The following DHRSX variants were observed in gnomAD, a reference collection of about 807,000 sequenced individuals.
DHRSX encodes polyprenol dehydrogenase.
DHRSX carries 31 observed loss-of-function variants against 34.0 expected under a neutral mutation model. The ratio of observed to expected loss-of-function variants is 0.91; its 90% CI spans 0.69 to 1.23. The LOEUF (loss-of-function observed/expected upper bound fraction) is 1.23. Among genes scored for constraint, DHRSX ranks in the 50% most tolerant of loss-of-function variants. The probability of loss-of-function intolerance (pLI) is 0.00; values close to 1 mark genes in which losing one functional copy is unlikely to be tolerated. For missense variants in DHRSX, 414 were observed against 428.1 expected, an observed-to-expected ratio of 0.97 and a Z score of 0.29; for synonymous variants, 201 against 183.8, an observed-to-expected ratio of 1.09 and a Z score of -0.76.
intron 6 of DHRSX, among the ~76,000 whole-genome samples, chrX:2,226,960 T>C (rs2015679226): frequency 6.6e-6 from 1 of 151,256 alleles, no homozygotes; most frequent in African/African-American, 2.4e-5. Context: ...TCAGAGCTGC[T>C]GCAGAATAAG....
chrX:2,390,661 C>G, intron 3 of DHRSX, among the ~76,000 whole-genome samples: 1 of 152,338 alleles, frequency 6.6e-6, no homozygotes, highest in Admixed American at 6.5e-5. Context: ...ACCCCTATAA[C>G]TACCCCATTC....
At chrX:2,360,312 T>C (rs35742119) in intron 3 of DHRSX, among the ~76,000 whole-genome samples, 13,527 of 152,090 alleles carry the variant, frequency 0.089, 697 homozygotes, top group Middle Eastern at 0.16. Flanking sequence ...GGGCCAGGCG[T>C]GGTGGCTCAC....
chrX:2,481,284 T>C (rs1021207402), intron 1 of DHRSX, among the ~76,000 whole-genome samples: 9 of 152,134 alleles, frequency 5.9e-5, no homozygotes, highest in African/African-American at 2.2e-4. Context: ...TATTTAATGG[T>C]GTCTCCTCTT....
At chrX:2,225,203 A>G (rs2015624731) in intron 6 of DHRSX, among the ~76,000 whole-genome samples, 1 of 150,568 alleles carries the variant, frequency 6.6e-6, no homozygotes, top group African/African-American at 2.5e-5. Flanking sequence ...ACACATTTGC[A>G]TGCACATTCA....
chrX:2,425,998 C>T (rs1480303358), intron 1 of DHRSX, among the ~76,000 whole-genome samples: 2 of 151,978 alleles, frequency 1.3e-5, no homozygotes, highest in African/African-American at 4.8e-5. Context: ...GTGGTTAGGG[C>T]AGGTGGAGAG....
At chrX:2,371,482 TCCTCC>T (rs1417695607) in intron 3 of DHRSX, among the ~76,000 whole-genome samples, 1,660 of 135,714 alleles carry the variant, frequency 0.012, 44 homozygotes, top group African/African-American at 0.044. Context: ...TAGACCCTCC[TCCTCC>T]CGTTACCGTA....
intron 1 of DHRSX, among the ~76,000 whole-genome samples, chrX:2,430,139 G>A (rs751622180): frequency 3.2e-4 from 49 of 151,848 alleles, no homozygotes; most frequent in Admixed American, 8.5e-4. Flanking sequence ...CTCGGGTCTC[G>A]GTGAGGATGT....
intron 2 of DHRSX, among the ~76,000 whole-genome samples, chrX:2,414,467 T>C (rs962419819): frequency 6.6e-6 from 1 of 151,772 alleles, no homozygotes; most frequent in Non-Finnish European, 1.5e-5. Context: ...GACTTCATCA[T>C]AACCTAACCA....
chrX:2,327,697 A>G (rs941189261), intron 3 of DHRSX, among the ~76,000 whole-genome samples: 7 of 152,166 alleles, frequency 4.6e-5, no homozygotes, highest in African/African-American at 1.7e-4. Context: ...GAATGTCACC[A>G]TATTTGGAGA....
intron 5 of DHRSX, among the ~76,000 whole-genome samples, chrX:2,250,552 T>C (rs1442499759): frequency 2.0e-5 from 3 of 152,098 alleles, no homozygotes; most frequent in South Asian, 2.1e-4. Flanking sequence ...GACCATGTCA[T>C]GGCATCTGTA....
At chrX:2,390,907 C>T (rs1418137692) in intron 3 of DHRSX, among the ~76,000 whole-genome samples, 3 of 147,686 alleles carry the variant, frequency 2.0e-5, no homozygotes, top group Non-Finnish European at 4.4e-5. Context: ...CAGTTTCTCT[C>T]CACCTTTTAG....
intron 1 of DHRSX, among the ~76,000 whole-genome samples, chrX:2,451,089 C>T (rs1365425105): frequency 6.6e-6 from 1 of 151,958 alleles, no homozygotes; most frequent in African/African-American, 2.4e-5. Context: ...TATAAATTAC[C>T]CAACTGAAGG....
chrX:2,237,966 A>G (rs1357944667), intron 6 of DHRSX, among the ~76,000 whole-genome samples: 1 of 152,108 alleles, frequency 6.6e-6, no homozygotes, highest in African/African-American at 2.4e-5. Context: ...AAGAGCACAC[A>G]TGCCCTCTGA....
intron 3 of DHRSX, among the ~76,000 whole-genome samples, chrX:2,361,820 A>C (rs1242607435): frequency 6.6e-6 from 1 of 152,218 alleles, no homozygotes; most frequent in Non-Finnish European, 1.5e-5. Context: ...TTAATGGAAT[A>C]GGCAGAAAAT....
chrX:2,424,067 A>C lies in DHRSX; in HGVS notation c.217+1130T>G, dbSNP rs192078785. 2.0e-3 allele frequency among the ~76,000 whole-genome samples: 311 copies of C among 152,264 alleles called. 2 individuals are homozygous for C. Among genetic ancestry groups the C allele is most frequent in the African/African-American group, 7.0e-3 (289 of 41,548 alleles). On this transcript the variant is annotated intron_variant, in intron 2 of 6. Coordinates refer to ENST00000334651, the MANE Select transcript of DHRSX (RefSeq NM_145177.3). ...AATAAGGTCTTTAAAGTGGTGATTAAGGTAAAATGAGGTCACCAGAGTGGG... is the reference window on the plus strand; with the variant it reads ...AATAAGGTCTTTAAAGTGGTGATTACGGTAAAATGAGGTCACCAGAGTGGG...
intron 2 of DHRSX, among the ~76,000 whole-genome samples, chrX:2,417,734 T>C (rs996286420): frequency 1.3e-5 from 2 of 152,136 alleles, no homozygotes; most frequent in Admixed American, 6.6e-5. Context: ...CATCATGCTA[T>C]TACTGAAGTA....
chrX:2,267,730 G>C (rs1001274764), intron 4 of DHRSX, among the ~76,000 whole-genome samples: 1 of 152,002 alleles, frequency 6.6e-6, no homozygotes, highest in Non-Finnish European at 1.5e-5. Context: ...CAGACTGCTT[G>C]ACGTCAGGAG....
chrX:2,425,877 G>T (rs2043839790), intron 1 of DHRSX, among the ~76,000 whole-genome samples: 1 of 152,120 alleles, frequency 6.6e-6, no homozygotes, highest in African/African-American at 2.4e-5. Context: ...TCTCACTGTG[G>T]TTTCCAAGGG....
At chrX:2,370,611 C>T (rs1320582831) in intron 3 of DHRSX, among the ~76,000 whole-genome samples, 4 of 125,878 alleles carry the variant, frequency 3.2e-5, no homozygotes, top group South Asian at 2.6e-4. Context: ...AAAAAAAATT[C>T]CCTTCCTCAT....
Sources: gnomAD v4.1 joint callset for allele counts (sites outside exome capture counted in the v4.1 genomes callset) on GRCh38, gnomAD v4.1.1 for gene constraint, MANE v1.5 for transcripts, NCBI Gene and HGNC (gene_info 2026-07-23, HGNC 2026-07-21) for gene names.